Variants in TNS4 observed in about 807,000 individuals in gnomAD.
The protein encoded by TNS4 is tensin-4.
A neutral mutation model predicts 70.4 loss-of-function variants in TNS4; 46 were observed. The observed-to-expected ratio is 0.65, with a 90% CI of 0.52 to 0.84. TNS4 has a LOEUF of 0.84. TNS4 is among the 40% of genes least tolerant of loss of function. TNS4 has a pLI of 0.00. For missense variants in TNS4, 863 were observed against 907.0 expected, an observed-to-expected ratio of 0.95 and a Z score of 0.62; for synonymous variants, 390 against 366.6, an observed-to-expected ratio of 1.06 and a Z score of -0.73.
At chr17:40,479,097 G>T (rs1445185085) in intron 10 of TNS4, among the ~76,000 whole-genome samples, 1 of 152,098 alleles carries the variant, frequency 6.6e-6, no homozygotes, top group African/African-American at 2.4e-5. Context: ...TCCATCAATG[G>T]GTGCAGGCAT....
At chr17:40,489,899 C>G (rs1210070001) in intron 2 of TNS4, among the ~76,000 whole-genome samples, 1 of 151,488 alleles carries the variant, frequency 6.6e-6, no homozygotes, top group Non-Finnish European at 1.5e-5. Flanking sequence ...GCGCCTTGTG[C>G]CAATTAGATT....
chr17:40,488,431 G>T (rs551330728), intron 3 of TNS4, 115 bp downstream of exon 3: 3 of 967,546 alleles, frequency 3.1e-6, no homozygotes, highest in African/African-American at 1.7e-5. Flanking sequence ...TTCTGGTTTT[G>T]GTGCATGCCC....
rs1177772874 is a variant in TNS4 at position 40,477,654 on chromosome 17, C to T, written c.2082G>A (p.Met694Ile). 16 of 1,614,092 alleles carry T rather than the reference C, an allele frequency of 9.9e-6. No homozygotes were observed. Among genetic ancestry groups the T allele is most frequent in the Non-Finnish European group, 1.3e-5 (15 of 1,180,020 alleles). ...NVCHLFAEYD[M>I]VQPASQVIGL... Reference sequence around the variant, plus strand: ...CGATGACCTGCGAGGCTGGCTGGACCATGTCATACTCCGCAAAGAGGTGGC... The same window carrying T: ...CGATGACCTGCGAGGCTGGCTGGACTATGTCATACTCCGCAAAGAGGTGGC... Residue 694 changes from methionine to isoleucine, a missense_variant, in exon 13 of 13, where the codon ATG (methionine) becomes ATA (isoleucine). By Grantham distance (10) the Met-to-Ile change is conservative (BLOSUM62 1). Transcript: ENST00000254051.
chr17:40,481,617 T>C (rs1415760757), intron 8 of TNS4, among the ~76,000 whole-genome samples: 2 of 152,170 alleles, frequency 1.3e-5, no homozygotes, highest in African/African-American at 2.4e-5. Flanking sequence ...CTGCCCGCCT[T>C]GGCCTCCCGA....
intron 1 of TNS4, among the ~76,000 whole-genome samples, chr17:40,498,454 C>T (rs1173687213): frequency 2.0e-5 from 3 of 152,174 alleles, no homozygotes; most frequent in Admixed American, 1.3e-4. Context: ...TAGTAGCTTC[C>T]ATTTATTGAG....
rs1392716745 is a variant in TNS4 at position 40,501,538 on chromosome 17, T to G, written c.-100A>C. On this transcript the variant is annotated 5_prime_UTR_variant, in exon 1 of 13. Coordinates refer to ENST00000254051, the MANE Select transcript of TNS4 (RefSeq NM_032865.6). ...TTAAAGAATAAAGGCACCTACCTGG[T>G]GTCCACAGGTGGGCAGACTGTTGCC... is the stretch of plus-strand genomic sequence containing the variant. 2.6e-5 allele frequency: 4 copies of G among 151,802 alleles called. No homozygotes were observed. The highest frequency in any genetic ancestry group is 9.7e-5 in the African/African-American group (4 of 41,288). The allele number at this position is 151,802 out of a possible 1,614,324, so 9.4% of individuals were successfully genotyped here. A position where few individuals can be genotyped will look rare whatever the true frequency, so the allele number is the denominator to read the frequency against.
chr17:40,475,943 A>G lies in TNS4; in HGVS notation c.*1645T>C, dbSNP rs944097168. The G allele has an allele frequency of 6.6e-6, 1 of 152,234 alleles. No homozygotes were observed. The highest frequency in any genetic ancestry group is 2.4e-5 in the African/African-American group (1 of 41,434). 9.4% of individuals were successfully genotyped at this position (152,234 alleles called of 1,614,324 possible). ...TGGGGCCTGTGACCTTGAGAACCTC[A>G]TCTCACATTCTGCAGACTTTGGCGG... On this transcript the variant is annotated 3_prime_UTR_variant, in exon 13 of 13. Coordinates refer to ENST00000254051, the MANE Select transcript of TNS4 (RefSeq NM_032865.6).
Position 40,480,157 on chromosome 17 carries a change from C to T in TNS4, c.1742-315G>A, listed in dbSNP as rs541385149. On this transcript the variant is annotated intron_variant, in intron 9 of 12. Coordinates refer to ENST00000254051, the MANE Select transcript of TNS4 (RefSeq NM_032865.6). Reference sequence around the variant, plus strand: ...TCCACACTTAACGGCTGCTCTCCTCCCCACACCTCCATCTTCAAGGTCTTG... The same window carrying T: ...TCCACACTTAACGGCTGCTCTCCTCTCCACACCTCCATCTTCAAGGTCTTG... 1.9e-5 allele frequency: 7 copies of T among 361,522 alleles called. No individual in the cohort carries two copies. The East Asian group carries it at 3.0e-4, about 15-fold the overall frequency. 22.4% of individuals were successfully genotyped at this position (361,522 alleles called of 1,614,324 possible).
At chr17:40,484,367 G>A in intron 6 of TNS4, 117 bp downstream of exon 6, 1 of 1,450,258 alleles carries the variant, frequency 6.9e-7, no homozygotes, top group East Asian at 2.3e-5. Context: ...TCTCCTAGGA[G>A]CTGTTATAAG....
Position 40,478,572 on chromosome 17 carries a change from G to T in TNS4, c.1979+8C>A. The T allele has an allele frequency of 6.2e-7, 1 of 1,614,104 alleles. No individual in the cohort carries two copies. Among genetic ancestry groups the T allele is most frequent in the Non-Finnish European group, 8.5e-7 (1 of 1,179,974 alleles). On this transcript the variant is annotated splice_region_variant and intron_variant, in intron 11 of 12. Transcript: ENST00000254051. ...AGCCTTCTTAGTTTGGCCCAGCCTT[G>T]AACTTACTTCCGTTGCTCAGGGTCC...
chr17:40,497,716 T>C (rs1342436681), intron 1 of TNS4, among the ~76,000 whole-genome samples: 1 of 148,978 alleles, frequency 6.7e-6, no homozygotes, highest in Non-Finnish European at 1.5e-5. Context: ...ACAGAGCACC[T>C]GGGGTGGGTG....
intron 8 of TNS4, 185 bp from the exon 9 acceptor site, chr17:40,480,953 A>AT (rs2035914735): frequency 4.7e-6 from 3 of 636,376 alleles, no homozygotes; most frequent in Non-Finnish European, 8.1e-6. Flanking sequence ...GGCTCCCTAA[A>AT]TGCTTAGTTT....
rs920429858 is a variant in TNS4 at position 40,476,419 on chromosome 17, T to C, written c.*1169A>G. ...GTGTGTGTGTGTGTGTGTGTGTGTG[T>C]GTGTGTGTGTTGGAGCGTGGGTTGG... On this transcript the variant is annotated 3_prime_UTR_variant, in exon 13 of 13. Coordinates refer to ENST00000254051, the MANE Select transcript of TNS4 (RefSeq NM_032865.6). The C allele has an allele frequency of 5.9e-3, 807 of 137,012 alleles. 9 individuals carry two copies. The highest frequency in any genetic ancestry group is 9.3e-3 in the Non-Finnish European group (624 of 66,790). 8.5% of individuals were successfully genotyped at this position (137,012 alleles called of 1,614,324 possible). A position where few individuals can be genotyped will look rare whatever the true frequency, so the allele number is the denominator to read the frequency against.
intron 4 of TNS4, 56 bp from the exon 5 acceptor site, chr17:40,485,063 A>T (rs577395502): frequency 6.7e-7 from 1 of 1,503,358 alleles, no homozygotes; most frequent in East Asian, 2.3e-5. Context: ...GAGCTGAGGG[A>T]TGTTCACCAG....
At position 40,493,741 on chromosome 17, in the gene TNS4, G is replaced by C. The variant is rs568707734; in HGVS notation, c.439+2246C>G. 8.5e-5 allele frequency among the ~76,000 whole-genome samples: 13 copies of C among 152,296 alleles called. No homozygotes were observed. In the East Asian group the frequency reaches 2.3e-3, roughly 27 times the overall value. On this transcript the variant is annotated intron_variant, in intron 2 of 12. Coordinates refer to ENST00000254051, the MANE Select transcript of TNS4 (RefSeq NM_032865.6). ...GCATGTGGTGCCCAGGGCATCTGTG[G>C]ATGTGGACCCATGCCATCAGCCCTA...
intron 10 of TNS4, among the ~76,000 whole-genome samples, chr17:40,479,209 G>A (rs942021728): frequency 5.9e-5 from 9 of 152,146 alleles, no homozygotes; most frequent in South Asian, 2.1e-4. Context: ...GTGCAATGGC[G>A]TGCTCTCAGC....
At chr17:40,500,883 G>C (rs588305) in intron 1 of TNS4, among the ~76,000 whole-genome samples, 4,330 of 151,834 alleles carry the variant, frequency 0.029, 81 homozygotes, top group South Asian at 0.051. Flanking sequence ...CCATCTCCCA[G>C]TCCTGTCTAC....
chr17:40,480,445 C>T (rs1177075005), intron 9 of TNS4, among the ~76,000 whole-genome samples: 1 of 152,176 alleles, frequency 6.6e-6, no homozygotes, highest in Admixed American at 6.5e-5. Flanking sequence ...CATGTGTGTG[C>T]AGGAGGGACT....
intron 3 of TNS4, among the ~76,000 whole-genome samples, chr17:40,488,156 C>A (rs1402958104): frequency 6.6e-6 from 1 of 152,170 alleles, no homozygotes; most frequent in Non-Finnish European, 1.5e-5. Context: ...CTAGGTTTTG[C>A]CAGCAACAGA....
Sources: allele counts gnomAD v4.1 joint callset (sites outside exome capture counted in the v4.1 genomes callset), GRCh38; gene constraint gnomAD v4.1.1; transcripts MANE v1.5; gene names NCBI Gene and HGNC (gene_info 2026-07-23, HGNC 2026-07-21).